MICAL2: variants seen among roughly 807,000 people sequenced by gnomAD.
MICAL2 encodes [F-actin]-monooxygenase MICAL2.
In MICAL2, 77 loss-of-function variants were observed where a neutral mutation model predicts 127.3. That is an observed-to-expected ratio of 0.60 (90% CI 0.50 to 0.73). The LOEUF is 0.73. Ranked by LOEUF, MICAL2 falls within the 30% of genes least tolerant of loss-of-function variation. The pLI is 0.00. For synonymous variants in MICAL2, 570 were observed against 551.1 expected (o/e 1.03, Z -0.48); for missense variants, 1,351 against 1,434.4 (o/e 0.94, Z 0.94).
At chr11:12,200,373 G>A (rs768039187) in intron 3 of MICAL2, among the ~76,000 whole-genome samples, 1 of 152,212 alleles carries the variant, frequency 6.6e-6, no homozygotes, top group Non-Finnish European at 1.5e-5. Flanking sequence ...CTTTGCATCT[G>A]TGGTCTGTTT....
intron 6 of MICAL2, among the ~76,000 whole-genome samples, chr11:12,212,505 G>C (rs994565240): frequency 6.6e-6 from 1 of 151,788 alleles, no homozygotes; most frequent in Non-Finnish European, 1.5e-5. Flanking sequence ...AACAAAAAAC[G>C]AATGAGAGCT....
intron 1 of MICAL2, among the ~76,000 whole-genome samples, chr11:12,134,799 A>T (rs762649562): frequency 6.6e-6 from 1 of 152,014 alleles, no homozygotes; most frequent in Non-Finnish European, 1.5e-5. Flanking sequence ...AGATCAGCAT[A>T]GTCAATATAG....
intron 3 of MICAL2, among the ~76,000 whole-genome samples, chr11:12,170,282 T>C (rs569996434): frequency 1.3e-5 from 2 of 152,150 alleles, no homozygotes; most frequent in East Asian, 1.9e-4. Context: ...ATACCCCGTC[T>C]ATACAAAAAA....
chr11:12,133,852 G>A (rs2133571503), intron 1 of MICAL2, among the ~76,000 whole-genome samples: 1 of 152,346 alleles, frequency 6.6e-6, no homozygotes, highest in South Asian at 2.1e-4. Context: ...TCCTGTCTGT[G>A]TCTCAGGGCT....
intron 33 of MICAL2, chr11:12,349,972 A>C: frequency 6.3e-7 from 1 of 1,585,378 alleles, no homozygotes; most frequent in Non-Finnish European, 8.7e-7. Context: ...GCGAGTCCTA[A>C]AAGCAAAGGG....
intron 1 of MICAL2, among the ~76,000 whole-genome samples, chr11:12,129,462 A>G (rs1423318369): frequency 5.3e-5 from 8 of 152,052 alleles, no homozygotes; most frequent in Admixed American, 5.2e-4. Context: ...AAGGTAATGA[A>G]ACACGCACCC....
At chr11:12,286,217 G>A (rs1440879408) in intron 2 of MICAL2, among the ~76,000 whole-genome samples, 1 of 152,232 alleles carries the variant, frequency 6.6e-6, no homozygotes, top group Non-Finnish European at 1.5e-5. Context: ...GAGGGCCACA[G>A]CAATGATGGT....
chr11:12,121,373 T>C (rs1850495937), intron 1 of MICAL2: 3 of 152,650 alleles, frequency 2.0e-5, no homozygotes, highest in African/African-American at 7.2e-5. Context: ...AAAGCTGGGA[T>C]GGTGCAGGAA....
At chr11:12,121,088 G>A (rs1241733430) in intron 1 of MICAL2, among the ~76,000 whole-genome samples, 1 of 152,220 alleles carries the variant, frequency 6.6e-6, no homozygotes, top group Admixed American at 6.5e-5. Flanking sequence ...TGGAACTCCT[G>A]GTTAGGGTCT....
intron 8 of MICAL2, among the ~76,000 whole-genome samples, chr11:12,219,582 T>C (rs1856589565): frequency 7.4e-6 from 1 of 135,310 alleles, no homozygotes; most frequent in Non-Finnish European, 1.6e-5. Flanking sequence ...CCTCGGCCCA[T>C]CAAGTAAAGG....
chr11:12,218,370 T>C (rs1372623825), intron 8 of MICAL2, among the ~76,000 whole-genome samples: 1 of 152,008 alleles, frequency 6.6e-6, no homozygotes, highest in East Asian at 1.9e-4. Context: ...ATCCCCCCAC[T>C]CATCTGGGAC....
At chr11:12,358,810 C>T (rs779841932), downstream of MICAL2, 14 of 174,464 alleles carry the variant, frequency 8.0e-5, no homozygotes, top group Non-Finnish European at 1.1e-4. Flanking sequence ...TTATCATTTT[C>T]CTTCCCAATT....
Position 12,352,281 on chromosome 11 carries a change from C to T in MICAL2, c.5615+2344C>T, listed in dbSNP as rs371721732. ...AATTTATCAAGCACATTCTGTGCAC[C>T]AGGGACTATGCTGGGTTCTGTGAAA... On this transcript the variant is annotated intron_variant, in intron 33 of 34. Coordinates refer to the MICAL2 transcript ENST00000646065. Among the ~76,000 whole-genome samples the T allele has an allele frequency of 2.0e-3, 306 of 152,306 alleles. 1 individual carries two copies. Among genetic ancestry groups the T allele is most frequent in the African/African-American group, 6.8e-3 (284 of 41,562 alleles).
intron 33 of MICAL2, among the ~76,000 whole-genome samples, chr11:12,351,743 T>C (rs1472479159): frequency 6.7e-6 from 1 of 149,796 alleles, no homozygotes; most frequent in African/African-American, 2.5e-5. Flanking sequence ...ATGCCAGGAA[T>C]TGGGAAGAAG....
intron 3 of MICAL2, among the ~76,000 whole-genome samples, chr11:12,168,738 A>G (rs1253178069): frequency 1.3e-5 from 2 of 151,956 alleles, no homozygotes; most frequent in East Asian, 1.9e-4. Flanking sequence ...GTAAGAAAAT[A>G]TAGGGTGAGA....
intron 2 of MICAL2, chr11:12,161,602 ATG>A (rs1305532016): frequency 1.3e-5 from 2 of 153,444 alleles, no homozygotes; most frequent in African/African-American, 4.8e-5. Flanking sequence ...ATCTAGAGAG[ATG>A]TTCTCTGGAG....
intron 3 of MICAL2, among the ~76,000 whole-genome samples, chr11:12,167,055 G>A (rs564426396): frequency 3.9e-5 from 6 of 152,150 alleles, no homozygotes; most frequent in Middle Eastern, 3.4e-3. Flanking sequence ...AGAGGGTCTC[G>A]TACTCAAACA....
At chr11:12,235,506 T>C (rs1320916749) in intron 15 of MICAL2, among the ~76,000 whole-genome samples, 1 of 152,224 alleles carries the variant, frequency 6.6e-6, no homozygotes, top group Non-Finnish European at 1.5e-5. Flanking sequence ...AAATCAGAAC[T>C]ACCCTCCACC....
In MICAL2 at chr11:12,226,243, G is replaced by A. The variant is rs1857431310; in HGVS notation, c.1761G>A (p.Glu587=). The A allele has an allele frequency of 1.2e-6, 2 of 1,614,252 alleles. No homozygotes were observed. The highest frequency in any genetic ancestry group is 1.3e-5 in the African/African-American group (1 of 75,070). ...TCGCATTTGATGTGGCCGAGCGAGA[G>A]TTTGGGATCCCTCCAGTGACCACGG... ...NQLAFDVAER[E]FGIPPVTTGK... The change falls in exon 14 of 28, where the codon GAG becomes GAA. Residue 587 remains glutamate, a synonymous_variant. Transcript: ENST00000683283.
Sources: gnomAD v4.1 joint callset for allele counts (sites outside exome capture counted in the v4.1 genomes callset) on GRCh38, gnomAD v4.1.1 for gene constraint, MANE v1.5 for transcripts, NCBI Gene and HGNC (gene_info 2026-07-23, HGNC 2026-07-21) for gene names.